Variants in ARHGEF28 observed in about 807,000 individuals in gnomAD.
The protein encoded by ARHGEF28 is 190 kDa guanine nucleotide exchange factor.
ARHGEF28 carries 152 observed loss-of-function variants against 206.6 expected under a neutral mutation model. The observed-to-expected ratio is 0.74, with a 90% CI of 0.64 to 0.84. ARHGEF28 has a LOEUF of 0.84. Among genes scored for constraint, ARHGEF28 ranks in the 40% least tolerant of loss-of-function variants. ARHGEF28 has a pLI of 0.00. For missense variants in ARHGEF28, 2,028 were observed against 2,073.2 expected, an observed-to-expected ratio of 0.98 and a Z score of 0.42; for synonymous variants, 763 against 776.4, an observed-to-expected ratio of 0.98 and a Z score of 0.29.
rs775632371 is a variant in ARHGEF28 at position 73,909,828 on chromosome 5, C to T, written c.4578C>T (p.Ser1526=). 6.5e-7 allele frequency: 1 copy of T among 1,538,032 alleles called. No homozygotes were observed. Among genetic ancestry groups the T allele is most frequent in the Non-Finnish European group, 8.7e-7 (1 of 1,153,770 alleles). The change falls in exon 34 of 36, where the codon AGC becomes AGT. Residue 1526 remains serine, a synonymous_variant. Coordinates refer to ENST00000513042, the MANE Select transcript of ARHGEF28 (RefSeq NM_001177693.2). ...REQARMRAQQ[S]LLGHWKHGRQ... ...AGGCGAGGATGCGGGCCCAGCAGAG[C>T]CTGCTGGGCCACTGGAAGCACGGCC...
intron 11 of ARHGEF28, among the ~76,000 whole-genome samples, chr5:73,845,179 G>A (rs1180106664): frequency 1.3e-5 from 2 of 151,836 alleles, no homozygotes; most frequent in Admixed American, 6.6e-5. Flanking sequence ...CACAACAGCC[G>A]GCTAATTTTT....
intron 1 of ARHGEF28, among the ~76,000 whole-genome samples, chr5:73,645,593 A>G (rs1173373892): frequency 6.6e-6 from 1 of 152,220 alleles, no homozygotes; most frequent in African/African-American, 2.4e-5. Context: ...TCCTCAGAAA[A>G]CATGATACTG....
intron 16 of ARHGEF28, 138 bp downstream of exon 16, chr5:73,858,357 C>A: frequency 8.7e-7 from 1 of 1,154,560 alleles, no homozygotes; most frequent in Non-Finnish European, 1.2e-6. Context: ...CAAGCAAGGA[C>A]TGATACTGGT....
intron 35 of ARHGEF28, among the ~76,000 whole-genome samples, chr5:73,927,321 T>A (rs1191744289): frequency 6.6e-6 from 1 of 152,180 alleles, no homozygotes; most frequent in African/African-American, 2.4e-5. Context: ...CAGTAAGCTG[T>A]GGTCATACCA....
In ARHGEF28 at chr5:73,832,427, G is replaced by A; in HGVS notation, c.1114G>A (p.Glu372Lys). ...TTCAGACATGCTGAATGGAGGTGATGAAGTCTACGCTAACTGTATGGTGAT... is the reference window on the plus strand; with the variant it reads ...TTCAGACATGCTGAATGGAGGTGATAAAGTCTACGCTAACTGTATGGTGAT... ...RLSDMLNGGD[E>K]VYANCMVIDQ... Residue 372 changes from glutamate (E) to lysine (K), a missense_variant, in exon 10 of 36, where the codon GAA becomes AAA. Around this residue, in one of 3 missense-constraint regions of ARHGEF28, gnomAD observed 1,002 missense variants for 1,015.3 expected, o/e 0.99. Transcript: ENST00000513042. 1 of 1,612,528 alleles carries A rather than the reference G, an allele frequency of 6.2e-7. No individual in the cohort carries two copies. The highest frequency in any genetic ancestry group is 8.5e-7 in the Non-Finnish European group (1 of 1,179,360).
chr5:73,628,924 A>T (rs1580417948), intron 1 of ARHGEF28, among the ~76,000 whole-genome samples: 1 of 152,072 alleles, frequency 6.6e-6, no homozygotes. Flanking sequence ...TTTTGTTATT[A>T]TCATGGTATT....
At chr5:73,904,172 T>A in intron 31 of ARHGEF28, 50 bp from the exon 32 acceptor site, 1 of 1,598,052 alleles carries the variant, frequency 6.3e-7, no homozygotes, top group Non-Finnish European at 8.6e-7. Flanking sequence ...GCAGGGCAGC[T>A]TTTCAGAAGT....
intron 22 of ARHGEF28, among the ~76,000 whole-genome samples, chr5:73,879,521 T>TA: frequency 6.6e-6 from 1 of 152,290 alleles, no homozygotes; most frequent in East Asian, 1.9e-4. Context: ...GAGTTTCCAG[T>TA]TTTTCTGCTC....
At chr5:73,673,233 G>A (rs1007074431) in intron 1 of ARHGEF28, among the ~76,000 whole-genome samples, 1 of 152,288 alleles carries the variant, frequency 6.6e-6, no homozygotes, top group East Asian at 1.9e-4. Context: ...GCTGTTTACT[G>A]TTCTTTTCCA....
At chr5:73,902,121 A>G (rs556154531) in intron 31 of ARHGEF28, 3 of 152,270 alleles carry the variant, frequency 2.0e-5, no homozygotes, top group Non-Finnish European at 4.4e-5. Flanking sequence ...CATATTATAT[A>G]CTTTTTGTGT....
At chr5:73,701,995 A>T (rs954095870) in intron 2 of ARHGEF28, among the ~76,000 whole-genome samples, 2 of 152,198 alleles carry the variant, frequency 1.3e-5, no homozygotes, top group African/African-American at 4.8e-5. Context: ...AACTTTTCAA[A>T]TGTGGATGTT....
intron 2 of ARHGEF28, among the ~76,000 whole-genome samples, chr5:73,700,690 A>G (rs557471025): frequency 6.6e-6 from 1 of 152,352 alleles, no homozygotes; most frequent in South Asian, 2.1e-4. Flanking sequence ...CACGAAGTAC[A>G]TTGATTGGAT....
intron 9 of ARHGEF28, among the ~76,000 whole-genome samples, chr5:73,814,196 G>GA (rs1241740249): frequency 6.6e-6 from 1 of 151,952 alleles, no homozygotes; most frequent in Admixed American, 6.6e-5. Flanking sequence ...GAAAGGAGTT[G>GA]AAAAAAATAC....
chr5:73,844,951 A>G (rs1470972625), intron 11 of ARHGEF28, among the ~76,000 whole-genome samples: 3 of 151,750 alleles, frequency 2.0e-5, no homozygotes, highest in Non-Finnish European at 2.9e-5. Flanking sequence ...TAAATGAGGA[A>G]AAAAGTTGTT....
chr5:73,747,800 T>C (rs1047433616), intron 2 of ARHGEF28, among the ~76,000 whole-genome samples: 10 of 152,190 alleles, frequency 6.6e-5, no homozygotes, highest in Non-Finnish European at 1.3e-4. Context: ...CTTTCACTAG[T>C]GTAAAGCATG....
chr5:73,688,619 G>T (rs1561334454), intron 2 of ARHGEF28, among the ~76,000 whole-genome samples: 1 of 152,068 alleles, frequency 6.6e-6, no homozygotes, highest in Non-Finnish European at 1.5e-5. Context: ...CCAAAGATTG[G>T]ATTGTTTTTT....
chr5:73,827,197 T>C (rs2112549867), intron 9 of ARHGEF28, among the ~76,000 whole-genome samples: 1 of 152,316 alleles, frequency 6.6e-6, no homozygotes, highest in South Asian at 2.1e-4. Context: ...ATGTCCAGGA[T>C]AGATTTTTCA....
intron 1 of ARHGEF28, among the ~76,000 whole-genome samples, chr5:73,668,215 G>A (rs1746089465): frequency 6.6e-6 from 1 of 152,180 alleles, no homozygotes; most frequent in South Asian, 2.1e-4. Flanking sequence ...TCGGGTGTTT[G>A]TTATGGTCAG....
intron 1 of ARHGEF28, among the ~76,000 whole-genome samples, chr5:73,677,910 T>C (rs1746806959): frequency 6.6e-6 from 1 of 152,252 alleles, no homozygotes; most frequent in South Asian, 2.1e-4. Context: ...GAACTCAAAC[T>C]TTCACAGATA....
Sources: allele counts gnomAD v4.1 joint callset (sites outside exome capture counted in the v4.1 genomes callset), GRCh38; gene constraint gnomAD v4.1.1; regional missense constraint gnomAD v4.1.1; transcripts MANE v1.5; gene names NCBI Gene and HGNC (gene_info 2026-07-23, HGNC 2026-07-21).